The following ANKRD12 variants were observed in gnomAD, a reference collection of about 807,000 sequenced individuals.
ANKRD12 encodes the protein ankyrin repeat domain-containing protein 12.
Under a neutral mutation model 183.4 loss-of-function variants are expected in ANKRD12, and 85 were observed. The ratio of observed to expected loss-of-function variants is 0.46; its 90% CI spans 0.39 to 0.56. The LOEUF (loss-of-function observed/expected upper bound fraction) is 0.56. ANKRD12 is among the 20% of genes least tolerant of loss of function. The probability of loss-of-function intolerance (pLI) is 0.00; values close to 1 mark genes in which losing one functional copy is unlikely to be tolerated. For synonymous variants in ANKRD12, 914 were observed against 800.2 expected (o/e 1.14, Z -2.40); for missense variants, 2,405 against 2,357.1 (o/e 1.02, Z -0.42).
intron 4 of ANKRD12, among the ~76,000 whole-genome samples, chr18:9,205,840 T>C (rs1437027647): frequency 2.0e-5 from 3 of 152,144 alleles, no homozygotes; most frequent in East Asian, 3.8e-4. Flanking sequence ...TTGATTCTTA[T>C]AGTGACTACT....
chr18:9,206,749 A>G (rs866780081), intron 4 of ANKRD12, among the ~76,000 whole-genome samples: 4 of 152,096 alleles, frequency 2.6e-5, no homozygotes, highest in Non-Finnish European at 4.4e-5. Context: ...GCAGCATGGC[A>G]TTCTAATGAT....
chr18:9,211,155 A>G (rs2035781972), intron 5 of ANKRD12, among the ~76,000 whole-genome samples: 1 of 152,104 alleles, frequency 6.6e-6, no homozygotes, highest in Non-Finnish European at 1.5e-5. Context: ...CTTGATTTGC[A>G]CATAATATAA....
chr18:9,217,000 T>G (rs2036144527), intron 7 of ANKRD12, 100 bp downstream of exon 7: 1 of 1,100,458 alleles, frequency 9.1e-7, no homozygotes. Context: ...CTGTGTCATA[T>G]TCCACTCATT....
intron 7 of ANKRD12, 107 bp from the exon 8 acceptor site, chr18:9,221,745 G>A (rs1345256161): frequency 8.9e-7 from 1 of 1,128,354 alleles, no homozygotes; most frequent in Non-Finnish European, 1.2e-6. Flanking sequence ...TGGATGCAGA[G>A]TAAATGAGGT....
intron 2 of ANKRD12, among the ~76,000 whole-genome samples, chr18:9,182,740 T>C (rs1326959164): frequency 2.0e-5 from 3 of 152,320 alleles, no homozygotes; most frequent in Admixed American, 1.3e-4. Flanking sequence ...ATTACTAAGA[T>C]TGTGCAATTA....
At chr18:9,174,194 GC>G (rs1377935768) in intron 1 of ANKRD12, among the ~76,000 whole-genome samples, 1 of 152,216 alleles carries the variant, frequency 6.6e-6, no homozygotes, top group Non-Finnish European at 1.5e-5. Context: ...AGAAATGGCA[GC>G]CGCCCCTCCC....
At position 9,204,507 on chromosome 18, in the gene ANKRD12, G is replaced by C. The variant is rs778977438; in HGVS notation, c.267G>C (p.Trp89Cys). The C allele has an allele frequency of 1.2e-5, 20 of 1,603,146 alleles. No homozygotes were observed. The highest frequency in any genetic ancestry group is 1.6e-4 in the Middle Eastern group (1 of 6,064). ...DSDPGHTSEN[W>C]GERLISSYRT... ...ATCCAGGACATACAAGTGAAAATTG[G>C]GGGGAGAGACTTATATCTTCTTACA... Residue 89 changes from tryptophan (W) to cysteine (C), a missense_variant, in exon 4 of 13, where the codon TGG (tryptophan) becomes TGC (cysteine). Transcript: ENST00000262126.
intron 8 of ANKRD12, among the ~76,000 whole-genome samples, chr18:9,228,802 G>A (rs776732778): frequency 5.9e-5 from 9 of 151,948 alleles, no homozygotes; most frequent in Non-Finnish European, 1.3e-4. Context: ...CTATGGAGGA[G>A]TTTTATAGTT....
intron 1 of ANKRD12, among the ~76,000 whole-genome samples, chr18:9,158,290 A>C (rs758014857): frequency 2.6e-5 from 4 of 152,208 alleles, no homozygotes; most frequent in Non-Finnish European, 5.9e-5. Context: ...TGTTAACTAA[A>C]GTTCATACTT....
At chr18:9,159,909 A>T (rs529117098) in intron 1 of ANKRD12, among the ~76,000 whole-genome samples, 2 of 151,758 alleles carry the variant, frequency 1.3e-5, no homozygotes, top group Non-Finnish European at 2.9e-5. Flanking sequence ...GGCTCAAGTG[A>T]TCCTCCTGCC....
chr18:9,168,711 C>CT (rs1446542238), intron 1 of ANKRD12, among the ~76,000 whole-genome samples: 1 of 152,080 alleles, frequency 6.6e-6, no homozygotes, highest in Non-Finnish European at 1.5e-5. Flanking sequence ...TTTTGTGTCT[C>CT]TATTTCCTTC....
chr18:9,255,622 T>G lies in ANKRD12; in HGVS notation c.2355T>G (p.Phe785Leu). The change falls in exon 9 of 13, where the codon TTT becomes TTG. Residue 785 changes from phenylalanine to leucine, a missense_variant. Phe to Leu is a conservative substitution (Grantham distance 22). Coordinates refer to ENST00000262126, the MANE Select transcript of ANKRD12 (RefSeq NM_015208.5). ...ENIPTDKDSE[F>L]TSLGMSAIEE... ...TACCCACAGATAAAGACTCAGAATT[T>G]ACTTCTTTGGGTATGAGTGCCATTG... 1 of 1,571,102 alleles carries G rather than the reference T, an allele frequency of 6.4e-7. No homozygotes were observed. The highest frequency in any genetic ancestry group is 8.6e-7 in the Non-Finnish European group (1 of 1,168,684).
chr18:9,189,691 A>G (rs1190964723), intron 2 of ANKRD12, among the ~76,000 whole-genome samples: 1 of 152,236 alleles, frequency 6.6e-6, no homozygotes, highest in Non-Finnish European at 1.5e-5. Context: ...TACCTTATCA[A>G]TGGAAAAACA....
chr18:9,157,327 C>G (rs181087782), intron 1 of ANKRD12, among the ~76,000 whole-genome samples: 8 of 152,078 alleles, frequency 5.3e-5, no homozygotes, highest in African/African-American at 1.7e-4. Flanking sequence ...CCCCTGTCAT[C>G]GTGTGGCTGA....
chr18:9,157,585 G>GTGTGTA (rs1472659778), intron 1 of ANKRD12, among the ~76,000 whole-genome samples: 3,087 of 92,598 alleles, frequency 0.033, 96 homozygotes, highest in African/African-American at 0.08. Context: ...GTGTGTGTGT[G>GTGTGTA]TATATATATA....
At chr18:9,137,656 G>A (rs2078163473) in intron 1 of ANKRD12, 1 of 152,176 alleles carries the variant, frequency 6.6e-6, no homozygotes, top group South Asian at 2.1e-4. Flanking sequence ...TAGTGTCCGG[G>A]GAAAGAGCAG....
Position 9,256,652 on chromosome 18 carries a change from A to G in ANKRD12, c.3385A>G (p.Thr1129Ala), listed in dbSNP as rs1381240166. Residue 1129 changes from threonine (T) to alanine (A), a missense_variant, in exon 9 of 13, where the codon ACA becomes GCA. Thr to Ala is a moderately conservative substitution (Grantham distance 58). Transcript: ENST00000262126. ...KIKDKEKTKH[T>A]PTESKNKELT... The stretch of plus-strand genomic sequence containing the variant: ...AAAAGATAAAGAAAAAACAAAGCAT[A>G]CACCAACTGAATCCAAAAATAAAGA... 2 of 1,608,230 alleles carry G rather than the reference A, an allele frequency of 1.2e-6. No individual in the cohort carries two copies. The highest frequency in any genetic ancestry group is 3.4e-5 in the Admixed American group (2 of 58,642).
In ANKRD12 at chr18:9,195,618, T is replaced by A; in HGVS notation, c.155T>A (p.Met52Lys). 1.2e-6 allele frequency: 2 copies of A among 1,613,052 alleles called. No individual in the cohort carries two copies. The highest frequency in any genetic ancestry group is 1.7e-6 in the Non-Finnish European group (2 of 1,179,510). Residue 52 changes from methionine (M) to lysine (K), a missense_variant, in exon 3 of 13, where the codon ATG becomes AAG. Met to Lys is a moderately conservative substitution (Grantham distance 95, BLOSUM62 -1). Transcript: ENST00000262126. ...GAACGAAGTGATGTGAGCAAGGAGA[T>A]GAAAGAGAAATCATCCATGAAACGT... ...KIERSDVSKE[M>K]KEKSSMKRKL...
At chr18:9,157,277 C>T (rs920102602) in intron 1 of ANKRD12, among the ~76,000 whole-genome samples, 2 of 152,058 alleles carry the variant, frequency 1.3e-5, no homozygotes, top group Non-Finnish European at 1.5e-5. Context: ...AACATGAAGC[C>T]TATTTTATAA....
Sources: gnomAD v4.1 joint callset for allele counts (sites outside exome capture counted in the v4.1 genomes callset) on GRCh38, gnomAD v4.1.1 for gene constraint, MANE v1.5 for transcripts, NCBI Gene and HGNC (gene_info 2026-07-23, HGNC 2026-07-21) for gene names.